AKNAD1: variants seen among roughly 807,000 people sequenced by gnomAD.
The protein encoded by AKNAD1 is AKNA domain containing 1, also known as protein AKNAD1.
A neutral mutation model predicts 90.8 loss-of-function variants in AKNAD1; 67 were observed. The ratio of observed to expected loss-of-function variants is 0.74; its 90% CI spans 0.61 to 0.90. AKNAD1 has a LOEUF of 0.90. AKNAD1 is among the 40% of genes least tolerant of loss of function. The pLI is 0.00. For synonymous variants in AKNAD1, 327 were observed against 341.4 expected (o/e 0.96, Z 0.46); for missense variants, 957 against 975.4 (o/e 0.98, Z 0.25).
chr1:108,842,350 A>G (rs1664577012), intron 6 of AKNAD1, among the ~76,000 whole-genome samples: 2 of 152,226 alleles, frequency 1.3e-5, no homozygotes, highest in South Asian at 4.1e-4. Flanking sequence ...CCTACTAAAT[A>G]GTTTCTTTTA....
chr1:108,832,307 C>G (rs1163229187), intron 9 of AKNAD1, among the ~76,000 whole-genome samples: 1 of 150,814 alleles, frequency 6.6e-6, no homozygotes, highest in Non-Finnish European at 1.5e-5. Context: ...CCTCCACCTC[C>G]CTCCCAATTT....
chr1:108,841,535 C>A (rs1411804975), intron 6 of AKNAD1, among the ~76,000 whole-genome samples: 1 of 152,114 alleles, frequency 6.6e-6, no homozygotes, highest in African/African-American at 2.4e-5. Context: ...GAAATCCAAG[C>A]AAATATTTTT....
At chr1:108,841,890 G>A (rs66518242) in intron 6 of AKNAD1, among the ~76,000 whole-genome samples, 13,338 of 152,142 alleles carry the variant, frequency 0.088, 779 homozygotes, top group South Asian at 0.12. Flanking sequence ...GAATGTAATT[G>A]CAGTTGAAGC....
intron 1 of AKNAD1, among the ~76,000 whole-genome samples, chr1:108,854,053 A>G (rs1246528035): frequency 6.6e-6 from 1 of 152,200 alleles, no homozygotes; most frequent in Admixed American, 6.5e-5. Context: ...ACCTAGTCAG[A>G]GAGGCTGCCT....
intron 9 of AKNAD1, among the ~76,000 whole-genome samples, chr1:108,833,147 C>T (rs756718209): frequency 6.1e-5 from 9 of 146,884 alleles, no homozygotes; most frequent in South Asian, 2.1e-4. Flanking sequence ...AAAAATGAAG[C>T]GATAGTTTAT....
intron 7 of AKNAD1, among the ~76,000 whole-genome samples, chr1:108,836,452 G>A (rs1664389021): frequency 6.6e-6 from 1 of 150,960 alleles, no homozygotes; most frequent in Non-Finnish European, 1.5e-5. Flanking sequence ...AGAGGCCGGG[G>A]CCAAGAATTC....
chr1:108,848,623 T>C (rs1664770407), intron 5 of AKNAD1, 129 bp downstream of exon 5: 4 of 797,236 alleles, frequency 5.0e-6, no homozygotes, highest in Non-Finnish European at 7.9e-6. Context: ...TAAACAAAGA[T>C]GGTTTAATCT....
At chr1:108,838,622 T>G (rs1382244408) in intron 6 of AKNAD1, among the ~76,000 whole-genome samples, 1 of 151,948 alleles carries the variant, frequency 6.6e-6, no homozygotes, top group African/African-American at 2.4e-5. Flanking sequence ...TAAATGAGAC[T>G]TAAAAGAATT....
intron 5 of AKNAD1, among the ~76,000 whole-genome samples, chr1:108,847,279 C>T (rs1664730128): frequency 6.6e-6 from 1 of 152,012 alleles, no homozygotes; most frequent in Non-Finnish European, 1.5e-5. Flanking sequence ...GAAACCCCGT[C>T]TCTACTAAAA....
chr1:108,823,846 G>A (rs1276099000), intron 11 of AKNAD1, among the ~76,000 whole-genome samples, 158 bp from the exon 12 acceptor site: 1 of 152,160 alleles, frequency 6.6e-6, no homozygotes, highest in Non-Finnish European at 1.5e-5. Flanking sequence ...CCAGCCTGGG[G>A]TAACATTTGG....
intron 6 of AKNAD1, among the ~76,000 whole-genome samples, chr1:108,842,760 A>G (rs1423927605): frequency 6.6e-6 from 1 of 152,098 alleles, no homozygotes; most frequent in Non-Finnish European, 1.5e-5. Flanking sequence ...AGAGGAGAGG[A>G]GGAACTTGAG....
At chr1:108,830,893 G>A (rs529055050) in intron 9 of AKNAD1, among the ~76,000 whole-genome samples, 4 of 152,344 alleles carry the variant, frequency 2.6e-5, no homozygotes, top group African/African-American at 7.2e-5. Context: ...AATGGCCTGG[G>A]CTGAAGAATG....
intron 5 of AKNAD1, among the ~76,000 whole-genome samples, chr1:108,847,840 T>A (rs1269117918): frequency 1.3e-5 from 2 of 152,234 alleles, no homozygotes; most frequent in African/African-American, 4.8e-5. Context: ...AGCTGCATTT[T>A]AGCTGCCTGT....
chr1:108,846,741 A>G (rs937836987), intron 5 of AKNAD1, among the ~76,000 whole-genome samples: 6 of 152,030 alleles, frequency 3.9e-5, no homozygotes, highest in African/African-American at 7.2e-5. Flanking sequence ...GCCCAAATCT[A>G]CATTTCTCAC....
chr1:108,840,085 C>A (rs1342672918), intron 6 of AKNAD1, among the ~76,000 whole-genome samples: 1 of 150,638 alleles, frequency 6.6e-6, no homozygotes, highest in Non-Finnish European at 1.5e-5. Flanking sequence ...GAAAACCTAG[C>A]AAATGAAATA....
intron 9 of AKNAD1, among the ~76,000 whole-genome samples, chr1:108,831,919 G>T (rs1460936891): frequency 1.3e-5 from 2 of 152,062 alleles, no homozygotes; most frequent in Non-Finnish European, 2.9e-5. Flanking sequence ...GAGTAATTGT[G>T]TGAGCCACTG....
chr1:108,846,449 C>T lies in AKNAD1; in HGVS notation c.1245+2303G>A, dbSNP rs115332923. Among the ~76,000 whole-genome samples the T allele has an allele frequency of 6.7e-3, 1,016 of 152,254 alleles. 1 individual carries two copies. The highest frequency in any genetic ancestry group is 9.5e-3 in the Non-Finnish European group (646 of 68,012). Reference sequence around the variant, plus strand: ...CTAGCTTTCTGGAGATCTTGCTTATCGTTGTTTCTTCCATAATCCCTGCAA... The same window carrying T: ...CTAGCTTTCTGGAGATCTTGCTTATTGTTGTTTCTTCCATAATCCCTGCAA... On this transcript the variant is annotated intron_variant, in intron 5 of 15. Transcript: ENST00000370001.
intron 6 of AKNAD1, 138 bp from the exon 7 acceptor site, chr1:108,837,844 G>T (rs140585365): frequency 1.4e-5 from 13 of 946,890 alleles, no homozygotes; most frequent in Non-Finnish European, 1.9e-5. Context: ...ATGGGAGCCC[G>T]CATGACTGTT....
At chr1:108,853,120 A>ATTTTTT (rs1172721865) in intron 1 of AKNAD1, among the ~76,000 whole-genome samples, 1 of 131,258 alleles carries the variant, frequency 7.6e-6, no homozygotes, top group Non-Finnish European at 1.6e-5. Flanking sequence ...TAAAGGATTG[A>ATTTTTT]TTTTTTTTCT....
Sources: allele counts gnomAD v4.1 joint callset (sites outside exome capture counted in the v4.1 genomes callset), GRCh38; gene constraint gnomAD v4.1.1; transcripts MANE v1.5; gene names NCBI Gene and HGNC (gene_info 2026-07-23, HGNC 2026-07-21).